The following MGAT4A variants were observed in gnomAD, a reference collection of about 807,000 sequenced individuals.
The protein encoded by MGAT4A is N-acetylglucosaminyltransferase IVa.
Under a neutral mutation model 74.1 loss-of-function variants are expected in MGAT4A, and 33 were observed. The observed-to-expected ratio is 0.45, with a 90% CI of 0.34 to 0.60. MGAT4A has a LOEUF of 0.60. MGAT4A is among the 20% of genes least tolerant of loss of function. MGAT4A has a pLI of 0.02. For missense variants in MGAT4A, 479 were observed against 628.3 expected (o/e 0.76, Z 2.54); for synonymous variants, 198 against 210.4 (o/e 0.94, Z 0.51).
rs547153691 is a variant in MGAT4A at position 98,670,431 on chromosome 2, T to C, written c.403+4604A>G. On this transcript the variant is annotated intron_variant, in intron 4 of 15. Coordinates refer to ENST00000393487, the MANE Select transcript of MGAT4A (RefSeq NM_012214.3). ...TGGTATTTATAATTTGACAGAGCTA[T>C]CAATTGTGATTATTTCATTTTCTTC... Among the ~76,000 whole-genome samples, 3 of 152,312 alleles carry C rather than the reference T, an allele frequency of 2.0e-5. No homozygotes were observed. In the East Asian group the frequency reaches 5.8e-4, roughly 29 times the overall value.
rs376175037 is a variant in MGAT4A at position 98,635,972 on chromosome 2, C to T, written c.1401+545G>A. On this transcript the variant is annotated intron_variant, in intron 13 of 15. Coordinates refer to ENST00000393487, the MANE Select transcript of MGAT4A (RefSeq NM_012214.3). Reference sequence around the variant, plus strand: ...CACTGCACTCCAGCCAGTGACAGAGCGAGACTCTGTCTCAAAAAAATAAAA... The same window carrying T: ...CACTGCACTCCAGCCAGTGACAGAGTGAGACTCTGTCTCAAAAAAATAAAA... Among the ~76,000 whole-genome samples the T allele has an allele frequency of 6.2e-4, 85 of 137,280 alleles. 2 individuals carry two copies. Among genetic ancestry groups the T allele is most frequent in the African/African-American group, 2.4e-3 (81 of 33,750 alleles). The allele number at this position is 137,280 out of a possible 152,430, so 90.1% of individuals were successfully genotyped here.
intron 8 of MGAT4A, among the ~76,000 whole-genome samples, chr2:98,649,460 T>C (rs1248025070): frequency 6.6e-6 from 1 of 152,180 alleles, no homozygotes; most frequent in Admixed American, 6.5e-5. Flanking sequence ...AGTTGGTGTA[T>C]ACCCAGTGTT....
intron 2 of MGAT4A, among the ~76,000 whole-genome samples, chr2:98,715,003 T>C (rs1160396674): frequency 6.6e-6 from 1 of 151,780 alleles, no homozygotes; most frequent in Admixed American, 6.6e-5. Flanking sequence ...CATACTTATG[T>C]AAAGAAATAA....
At chr2:98,627,040 T>G (rs888309496) in intron 14 of MGAT4A, among the ~76,000 whole-genome samples, 78 of 152,204 alleles carry the variant, frequency 5.1e-4, no homozygotes, top group African/African-American at 1.8e-3. Flanking sequence ...TCATTTCCAA[T>G]TGAGATTTAG....
At chr2:98,645,626 A>T (rs1446930943) in intron 8 of MGAT4A, 84 bp from the exon 9 acceptor site, 3 of 950,558 alleles carry the variant, frequency 3.2e-6, no homozygotes, top group Non-Finnish European at 4.3e-6. Flanking sequence ...AAATACAAGC[A>T]TACCTTTATC....
intron 2 of MGAT4A, among the ~76,000 whole-genome samples, chr2:98,714,013 A>G (rs1702556197): frequency 6.6e-6 from 1 of 152,244 alleles, no homozygotes; most frequent in African/African-American, 2.4e-5. Context: ...TCATTTGTGT[A>G]TGGGTTAGAA....
At chr2:98,700,101 A>G (rs1235280780) in intron 2 of MGAT4A, among the ~76,000 whole-genome samples, 2 of 152,016 alleles carry the variant, frequency 1.3e-5, no homozygotes, top group Non-Finnish European at 2.9e-5. Flanking sequence ...CTTTCTGAGC[A>G]AGTGCGATAT....
intron 2 of MGAT4A, among the ~76,000 whole-genome samples, chr2:98,716,946 C>T (rs1702601432): frequency 6.6e-6 from 1 of 152,116 alleles, no homozygotes; most frequent in Admixed American, 6.5e-5. Context: ...GACACAAACA[C>T]TGTGGACCTA....
chr2:98,670,030 C>G (rs1701891627), intron 4 of MGAT4A, among the ~76,000 whole-genome samples: 1 of 152,220 alleles, frequency 6.6e-6, no homozygotes, highest in South Asian at 2.1e-4. Context: ...CACTGAGACT[C>G]TGGAGTTGTT....
intron 2 of MGAT4A, among the ~76,000 whole-genome samples, chr2:98,697,666 A>G (rs929540799): frequency 6.6e-6 from 1 of 152,162 alleles, no homozygotes; most frequent in Non-Finnish European, 1.5e-5. Context: ...AATTATTTTT[A>G]AATAGGTTTT....
chr2:98,669,224 T>C (rs768458320), intron 4 of MGAT4A, among the ~76,000 whole-genome samples: 2 of 152,108 alleles, frequency 1.3e-5, no homozygotes, highest in Non-Finnish European at 2.9e-5. Flanking sequence ...CTACATGTTG[T>C]GGGAGGGACC....
At chr2:98,728,116 AAC>A (rs1283573844) in intron 1 of MGAT4A, among the ~76,000 whole-genome samples, 2 of 152,222 alleles carry the variant, frequency 1.3e-5, no homozygotes, top group African/African-American at 2.4e-5. Flanking sequence ...TAAATTATAT[AAC>A]ACACACTGAT....
intron 7 of MGAT4A, chr2:98,655,907 A>G (rs549910080): frequency 1.1e-5 from 2 of 183,786 alleles, no homozygotes; most frequent in African/African-American, 4.7e-5. Flanking sequence ...CCTTGACCAC[A>G]GACCCTTTTT....
chr2:98,689,287 A>AGACATCT (rs1325392017), intron 2 of MGAT4A, among the ~76,000 whole-genome samples: 1 of 152,262 alleles, frequency 6.6e-6, no homozygotes, highest in Non-Finnish European at 1.5e-5. Context: ...GTTACAGCAA[A>AGACATCT]GACATCTGAC....
intron 2 of MGAT4A, among the ~76,000 whole-genome samples, chr2:98,715,317 C>CAAAAAAAAAAAAAAAAAAAA (rs201860893): frequency 1.6e-5 from 1 of 63,256 alleles, no homozygotes; most frequent in Non-Finnish European, 3.3e-5. Flanking sequence ...GACTTCATCT[C>CAAAAAAAAAAAAAAAAAAAA]AAAAAAAAAA....
At chr2:98,683,171 A>T (rs1416322382) in intron 2 of MGAT4A, among the ~76,000 whole-genome samples, 2 of 152,200 alleles carry the variant, frequency 1.3e-5, no homozygotes, top group Non-Finnish European at 2.9e-5. Flanking sequence ...GGCTGAGGAA[A>T]CGACCAGGAG....
chr2:98,632,110 C>CAATA (rs200108760), intron 14 of MGAT4A, among the ~76,000 whole-genome samples: 22,773 of 149,746 alleles, frequency 0.15, 1,823 homozygotes, highest in Middle Eastern at 0.19. Flanking sequence ...ACTCTGTCTC[C>CAATA]AATAAATAAA....
In MGAT4A at chr2:98,622,560, A is replaced by G; in HGVS notation, c.*3006T>C. 1.0e-6 allele frequency: 1 copy of G among 985,350 alleles called. No individual in the cohort carries two copies. The highest frequency in any genetic ancestry group is 4.7e-5 in the South Asian group (1 of 21,274). 61.0% of individuals were successfully genotyped at this position (985,350 alleles called of 1,614,324 possible). ...TTCCAGGGACTCTTCCCCTCCCTTAATCTTCTGCCCTCACACTGCTCTTAA... is the reference window on the plus strand; with the variant it reads ...TTCCAGGGACTCTTCCCCTCCCTTAGTCTTCTGCCCTCACACTGCTCTTAA... On this transcript the variant is annotated 3_prime_UTR_variant, in exon 16 of 16. Coordinates refer to ENST00000393487, the MANE Select transcript of MGAT4A (RefSeq NM_012214.3).
rs572550206 is a variant in MGAT4A at position 98,631,364 on chromosome 2, C to G, written c.1468+3858G>C. ...AGTGCTGGGTAGAGAAGGTCATGAG[C>G]CCTGGCTAGAGCTCCAACCTCGGGC... On this transcript the variant is annotated intron_variant, in intron 14 of 15. Transcript: ENST00000393487. Among the ~76,000 whole-genome samples the G allele has an allele frequency of 2.6e-5, 4 of 152,318 alleles. No individual in the cohort carries two copies. The East Asian group carries it at 7.7e-4, about 29-fold the overall frequency.
Sources: allele counts gnomAD v4.1 joint callset (sites outside exome capture counted in the v4.1 genomes callset), GRCh38; gene constraint gnomAD v4.1.1; transcripts MANE v1.5; gene names NCBI Gene and HGNC (gene_info 2026-07-23, HGNC 2026-07-21).